OTUD6B: variants seen among roughly 807,000 people sequenced by gnomAD.
OTUD6B encodes the protein OTU deubiquitinase 6B.
A neutral mutation model predicts 36.9 loss-of-function variants in OTUD6B; 41 were observed. The observed-to-expected ratio is 1.11, with a 90% confidence interval of 0.87 to 1.44. The LOEUF (loss-of-function observed/expected upper bound fraction) is 1.44, where lower values mean the gene tolerates loss of function less well. Among genes scored for constraint, OTUD6B ranks in the 40% most tolerant of loss-of-function variants. The pLI is 0.00. For missense variants in OTUD6B, 356 were observed against 344.8 expected (o/e 1.03, Z -0.26); for synonymous variants, 114 against 114.2 (o/e 1.00, Z 0.01).
chr8:91,075,394 T>C (rs1213015128), intron 3 of OTUD6B, among the ~76,000 whole-genome samples: 1 of 152,062 alleles, frequency 6.6e-6, no homozygotes, highest in African/African-American at 2.4e-5. Flanking sequence ...TACGTCTACT[T>C]AGTAATTGAA....
At chr8:91,070,664 GCCTGC>G (rs1812671456) in intron 1 of OTUD6B, among the ~76,000 whole-genome samples, 198 bp downstream of exon 1, 4 of 151,892 alleles carry the variant, frequency 2.6e-5, no homozygotes, top group Non-Finnish European at 4.4e-5. Context: ...CCCTTCTGAG[GCCTGC>G]GGCGTGCCCC....
At chr8:91,081,604 A>G (rs1267273136) in intron 5 of OTUD6B, among the ~76,000 whole-genome samples, 2 of 147,372 alleles carry the variant, frequency 1.4e-5, no homozygotes, top group African/African-American at 4.9e-5. Flanking sequence ...TTTGAGCATT[A>G]AGTAAGGCAG....
intron 3 of OTUD6B, chr8:91,076,620 T>C: frequency 5.2e-6 from 8 of 1,532,748 alleles, no homozygotes; most frequent in Non-Finnish European, 7.0e-6. Flanking sequence ...CTCTCTGTGT[T>C]GTCCTTGGTC....
chr8:91,084,967 T>C lies in OTUD6B; in HGVS notation c.*99T>C. On this transcript the variant is annotated 3_prime_UTR_variant, in exon 7 of 7. Coordinates refer to ENST00000404789, the MANE Select transcript of OTUD6B (RefSeq NM_016023.5). ...TCTAAATGCTACTGAAAAACACAAC[T>C]ACCTTATATCAGTTTTATGGCAAAG... 2.0e-6 allele frequency: 1 copy of C among 490,162 alleles called. No individual in the cohort carries two copies. The highest frequency in any genetic ancestry group is 3.6e-6 in the Non-Finnish European group (1 of 281,184). The allele number at this position is 490,162 out of a possible 1,614,324, so 30.4% of individuals were successfully genotyped here. A position where few individuals can be genotyped will look rare whatever the true frequency, so the allele number is the denominator to read the frequency against.
At chr8:91,082,664 C>T (rs1433245947) in intron 5 of OTUD6B, among the ~76,000 whole-genome samples, 1 of 151,738 alleles carries the variant, frequency 6.6e-6, no homozygotes, top group Non-Finnish European at 1.5e-5. Context: ...ACGACAGTAC[C>T]CATCCCATAA....
intron 4 of OTUD6B, among the ~76,000 whole-genome samples, chr8:91,079,897 C>G (rs1306813504): frequency 2.0e-5 from 3 of 152,102 alleles, no homozygotes; most frequent in Non-Finnish European, 4.4e-5. Context: ...AGGCACTGTT[C>G]TGAACGCTGA....
intron 5 of OTUD6B, among the ~76,000 whole-genome samples, chr8:91,081,253 G>A (rs369133064): frequency 2.6e-5 from 4 of 151,684 alleles, no homozygotes; most frequent in East Asian, 1.9e-4. Flanking sequence ...GAAAGCAGTA[G>A]TTGGTGCATT....
In OTUD6B at chr8:91,076,478, A is replaced by G. The variant is rs550649109; in HGVS notation, c.316-1878A>G. ...AAAAAATGAAATGATTAGAATTAGT[A>G]TTTTAGAGGCTTAAACAGTTTTGCA... is the stretch of plus-strand genomic sequence containing the variant. On this transcript the variant is annotated intron_variant, in intron 3 of 6. Transcript: ENST00000404789. The G allele has an allele frequency of 1.9e-5, 29 of 1,489,986 alleles. No individual in the cohort carries two copies. The South Asian group carries it at 3.4e-4, about 17-fold the overall frequency. The allele number at this position is 1,489,986 out of a possible 1,614,324, so 92.3% of individuals were successfully genotyped here.
chr8:91,072,619 C>T (rs1352372667), intron 2 of OTUD6B, among the ~76,000 whole-genome samples: 2 of 152,150 alleles, frequency 1.3e-5, no homozygotes, highest in African/African-American at 2.4e-5. Flanking sequence ...TTATCAAGTT[C>T]CCAACTTTCC....
intron 5 of OTUD6B, among the ~76,000 whole-genome samples, chr8:91,081,737 T>C (rs1812911845): frequency 6.6e-6 from 1 of 152,172 alleles, no homozygotes; most frequent in South Asian, 2.1e-4. Flanking sequence ...TAATTCACTT[T>C]AAGAACTGCT....
At chr8:91,076,755 T>C in intron 3 of OTUD6B, 1 of 808,800 alleles carries the variant, frequency 1.2e-6, no homozygotes, top group African/African-American at 1.7e-5. Context: ...CTTTCCCCTC[T>C]GAAACTTTTT....
intron 4 of OTUD6B, chr8:91,079,078 A>T (rs1307984805): frequency 6.5e-6 from 1 of 154,156 alleles, no homozygotes; most frequent in Non-Finnish European, 1.4e-5. Flanking sequence ...TGGGAACTTT[A>T]CTTTTATTTA....
Position 91,084,098 on chromosome 8 carries a change from A to C in OTUD6B, c.781A>C (p.Lys261Gln). 6.5e-7 allele frequency: 1 copy of C among 1,542,734 alleles called. No homozygotes were observed. Among genetic ancestry groups the C allele is most frequent in the Non-Finnish European group, 8.8e-7 (1 of 1,134,684 alleles). Residue 261 changes from lysine to glutamine, a missense_variant, in exon 6 of 7, where the codon AAA (lysine) becomes CAA (glutamine). Lys to Gln is a moderately conservative substitution (Grantham distance 53, BLOSUM62 1). Coordinates refer to ENST00000404789, the MANE Select transcript of OTUD6B (RefSeq NM_016023.5). ...TATAGTTGGTGAAGAATATTCAAAA[A>C]AACCACTAATACTTGTGTAAGTACC... The part of the protein sequence containing the change: ...PIIVGEEYSK[K>Q]PLILVYMRHA...
chr8:91,077,356 A>T (rs1395865922), intron 3 of OTUD6B, among the ~76,000 whole-genome samples: 1 of 152,038 alleles, frequency 6.6e-6, no homozygotes, highest in Non-Finnish European at 1.5e-5. Context: ...TATGTTAAGT[A>T]TAGACCTACT....
At chr8:91,078,715 T>C in intron 4 of OTUD6B, 47 bp downstream of exon 4, 1 of 1,353,824 alleles carries the variant, frequency 7.4e-7, no homozygotes, top group Non-Finnish European at 1.0e-6. Context: ...TTGTTGTAGT[T>C]GTTTTTAAAT....
chr8:91,086,923 A>G lies in OTUD6B; in HGVS notation c.*2055A>G, dbSNP rs900028538. The G allele has an allele frequency of 1.3e-5, 2 of 152,112 alleles. No individual in the cohort carries two copies. The highest frequency in any genetic ancestry group is 1.3e-4 in the Admixed American group (2 of 15,248). The allele number at this position is 152,112 out of a possible 1,614,324, so 9.4% of individuals were successfully genotyped here. On this transcript the variant is annotated 3_prime_UTR_variant, in exon 7 of 7. Transcript: ENST00000404789. ...TTCTTTTGTCCTAACTCTGAAAAGT[A>G]TATGTCAGAGTTCTGGAATATGTCT...
At chr8:91,077,513 T>A (rs1812824407) in intron 3 of OTUD6B, among the ~76,000 whole-genome samples, 1 of 151,886 alleles carries the variant, frequency 6.6e-6, no homozygotes, top group African/African-American at 2.4e-5. Flanking sequence ...CTGTTAGGAA[T>A]TTTTTTTCCT....
rs1239840854 is a variant in OTUD6B, at chr8:91,085,023, G to T, written c.*155G>T. The T allele has an allele frequency of 5.0e-6, 2 of 396,774 alleles. No homozygotes were observed. Among genetic ancestry groups the T allele is most frequent in the African/African-American group, 2.1e-5 (1 of 47,410 alleles). The allele number at this position is 396,774 out of a possible 1,614,324, so 24.6% of individuals were successfully genotyped here. A position where few individuals can be genotyped will look rare whatever the true frequency, so the allele number is the denominator to read the frequency against. Reference sequence around the variant, plus strand: ...AACAGGTGTTTTTAGAAATATGTCAGAGATAAACTTTAACCAGTGTCTTCT... The same window carrying T: ...AACAGGTGTTTTTAGAAATATGTCATAGATAAACTTTAACCAGTGTCTTCT... On this transcript the variant is annotated 3_prime_UTR_variant, in exon 7 of 7. Transcript: ENST00000404789.
chr8:91,076,738 A>G (rs1415290580), intron 3 of OTUD6B: 2 of 898,318 alleles, frequency 2.2e-6, no homozygotes, highest in East Asian at 2.6e-5. Context: ...TAAGGTGCTT[A>G]TTCTTCCTTT....
Sources: allele counts gnomAD v4.1 joint callset (sites outside exome capture counted in the v4.1 genomes callset), GRCh38; gene constraint gnomAD v4.1.1; transcripts MANE v1.5; gene names NCBI Gene and HGNC (gene_info 2026-07-23, HGNC 2026-07-21).